PCDHA5: variants seen among roughly 807,000 people sequenced by gnomAD.
PCDHA5 encodes the protein protocadherin alpha-5.
PCDHA5 carries 43 observed loss-of-function variants against 61.6 expected under a neutral mutation model. The ratio of observed to expected loss-of-function variants is 0.70; its 90% CI spans 0.55 to 0.90. The LOEUF is 0.90. Ranked by LOEUF, PCDHA5 falls within the 40% of genes least tolerant of loss-of-function variation. The probability of loss-of-function intolerance (pLI) is 0.00; values close to 1 mark genes in which losing one functional copy is unlikely to be tolerated. For synonymous variants in PCDHA5, 627 were observed against 543.9 expected, an observed-to-expected ratio of 1.15 and a Z score of -2.13; for missense variants, 1,298 against 1,222.7, an observed-to-expected ratio of 1.06 and a Z score of -0.92.
intron 1 of PCDHA5, among the ~76,000 whole-genome samples, chr5:140,918,233 T>C (rs1554198474): frequency 6.6e-6 from 1 of 152,210 alleles, no homozygotes; most frequent in South Asian, 2.1e-4. Context: ...TTTTTGTACA[T>C]TGATTTTGTA....
At chr5:140,985,562 C>G (rs1477250763) in intron 3 of PCDHA5, among the ~76,000 whole-genome samples, 1 of 152,116 alleles carries the variant, frequency 6.6e-6, no homozygotes, top group Non-Finnish European at 1.5e-5. Flanking sequence ...CAAAAGGCTT[C>G]TTTCTGGTGC....
At position 140,821,779 on chromosome 5, in the gene PCDHA5, G is replaced by C; in HGVS notation, c.4G>C (p.Val2Leu). Reference protein sequence around the residue: MVYSRRGSLGSR... With the variant: MLYSRRGSLGSR... ...TCATAATTGGAACGAGATTGAGATG[G>C]TATATTCCCGGAGAGGAAGTCTGGG... The change falls in exon 1 of 4, where the codon GTA becomes CTA. Residue 2 changes from valine to leucine, a missense_variant. Coordinates refer to ENST00000529859, the MANE Select transcript of PCDHA5 (RefSeq NM_018908.3). 2 of 1,609,366 alleles carry C rather than the reference G, an allele frequency of 1.2e-6. No individual in the cohort carries two copies. The highest frequency in any genetic ancestry group is 1.7e-6 in the Non-Finnish European group (2 of 1,177,446).
chr5:140,858,436 G>T (rs781811192), intron 1 of PCDHA5: 1 of 1,542,522 alleles, frequency 6.5e-7, no homozygotes, highest in Admixed American at 2.0e-5. Flanking sequence ...ACTCTAGGAA[G>T]GTGGGTTATT....
At chr5:140,897,803 C>G (rs1285512803) in intron 1 of PCDHA5, among the ~76,000 whole-genome samples, 1 of 152,130 alleles carries the variant, frequency 6.6e-6, no homozygotes, top group Non-Finnish European at 1.5e-5. Context: ...AGAGTCCCAC[C>G]AACAGTGTAA....
chr5:140,886,251 T>A (rs189086759), intron 1 of PCDHA5, among the ~76,000 whole-genome samples: 397 of 152,156 alleles, frequency 2.6e-3, no homozygotes, highest in Non-Finnish European at 4.1e-3. Flanking sequence ...AATAAAAGTA[T>A]CTCTATTTAT....
chr5:140,823,769 T>C lies in PCDHA5; in HGVS notation c.1994T>C (p.Leu665Pro), dbSNP rs2150128956. 6.2e-7 allele frequency: 1 copy of C among 1,613,830 alleles called. No homozygotes were observed. The highest frequency in any genetic ancestry group is 8.5e-7 in the Non-Finnish European group (1 of 1,179,914). ...EPPLTATATV[L>P]VSLVESGQAP... is the part of the protein sequence containing the mutation. ...CCGCTGACAGCCACAGCCACAGTGC[T>C]GGTGTCGCTGGTGGAAAGTGGCCAG... The change falls in exon 1 of 4, where the codon CTG (leucine) becomes CCG (proline). Residue 665 changes from leucine to proline, a missense_variant. Physicochemically the swap from Leu to Pro is moderately conservative, Grantham distance 98. Coordinates refer to ENST00000529859, the MANE Select transcript of PCDHA5 (RefSeq NM_018908.3).
In PCDHA5 at chr5:140,841,681, C is replaced by T. The variant is rs2150320703; in HGVS notation, c.2352+17554C>T. 2.5e-6 allele frequency: 4 copies of T among 1,613,906 alleles called. No individual in the cohort carries two copies. In the South Asian group the frequency reaches 4.4e-5, roughly 18 times the overall value. ...GGCCGCTGCAGGTTTTCCATGTGGA[C>T]GTGGAGGTGAAGGATGTTAATGACA... On this transcript the variant is annotated intron_variant, in intron 1 of 3. Transcript: ENST00000529859.
intron 1 of PCDHA5, among the ~76,000 whole-genome samples, chr5:140,878,476 A>T (rs1037108551): frequency 3.2e-4 from 49 of 152,322 alleles, no homozygotes; most frequent in African/African-American, 1.1e-3. Flanking sequence ...TCATTTCTCA[A>T]TTTAAAAATA....
rs1554262551 is a variant in PCDHA5, at chr5:141,009,910, C to T, written c.2784C>T (p.Asn928=). 1 of 1,612,616 alleles carries T rather than the reference C, an allele frequency of 6.2e-7. No individual in the cohort carries two copies. Among genetic ancestry groups the T allele is most frequent in the Middle Eastern group, 1.7e-4 (1 of 6,048 alleles). Residue 928 remains asparagine (N), a synonymous_variant, in exon 4 of 4, where the codon AAC becomes AAT. Transcript: ENST00000529859. ...NKTQEKKEKG[N]STTDNSDQ Reference sequence around the variant, plus strand: ...CCCAGGAGAAAAAAGAGAAAGGGAACAGCACGACTGACAACAGTGACCAGT... The same window carrying T: ...CCCAGGAGAAAAAAGAGAAAGGGAATAGCACGACTGACAACAGTGACCAGT...
chr5:141,009,720 C>G lies in PCDHA5; in HGVS notation c.2594C>G (p.Ser865Cys), dbSNP rs782119637. ...FKYGPGNPKQ[S>C]GPGELPDKFI... ...TACGGACCAGGCAACCCCAAACAAT[C>G]CGGTCCCGGTGAGTTGCCCGACAAA... The change falls in exon 4 of 4, where the codon TCC (serine) becomes TGC (cysteine). Residue 865 changes from serine to cysteine, a missense_variant. Transcript: ENST00000529859. 1 of 1,614,180 alleles carries G rather than the reference C, an allele frequency of 6.2e-7. No individual in the cohort carries two copies. The highest frequency in any genetic ancestry group is 2.2e-5 in the East Asian group (1 of 44,872).
At chr5:140,848,863 T>G (rs1581167323) in intron 1 of PCDHA5, 1 of 1,589,778 alleles carries the variant, frequency 6.3e-7, no homozygotes, top group African/African-American at 1.4e-5. Context: ...GACGTGGAGG[T>G]GAAGGACATT....
Position 140,927,496 on chromosome 5 carries a change from G to C in PCDHA5, c.2353-51453G>C, listed in dbSNP as rs1206944698. On this transcript the variant is annotated intron_variant, in intron 1 of 3. Transcript: ENST00000529859. ...CGAACAGCGCGCCACCCACCTGCTG[G>C]TGCTTACAGCTCGGGACGGCGGGCT... The C allele has an allele frequency of 3.7e-6, 6 of 1,614,026 alleles. No homozygotes were observed. The highest frequency in any genetic ancestry group is 5.1e-6 in the Non-Finnish European group (6 of 1,180,054).
At position 140,835,793 on chromosome 5, in the gene PCDHA5, G is replaced by A. The variant is rs17844310; in HGVS notation, c.2352+11666G>A. The A allele has an allele frequency of 5.6e-5, 90 of 1,613,102 alleles. 1 individual carries two copies. The East Asian group carries it at 1.8e-3, about 33-fold the overall frequency. On this transcript the variant is annotated intron_variant, in intron 1 of 3. Transcript: ENST00000529859. ...TGTTCGTGAAGGAGAACAACCCGCC[G>A]GGCTGCCACATCTTCACTGTGTCGG... is the stretch of plus-strand genomic sequence containing the variant.
chr5:140,910,171 T>C (rs186096076), intron 1 of PCDHA5, among the ~76,000 whole-genome samples: 22 of 152,340 alleles, frequency 1.4e-4, no homozygotes, highest in Admixed American at 1.2e-3. Flanking sequence ...TGATCCTCTG[T>C]TTTTATAATT....
chr5:140,967,980 A>G (rs1554230169), intron 1 of PCDHA5: 1 of 1,614,198 alleles, frequency 6.2e-7, no homozygotes, highest in African/African-American at 1.3e-5. Context: ...CTGGGTCTGG[A>G]GGCCACACTG....
rs1554149241 is a variant in PCDHA5, at chr5:140,856,873, A to C, written c.2352+32746A>C. The C allele has an allele frequency of 1.9e-6, 3 of 1,595,922 alleles. 1 individual carries two copies. The African/African-American group carries it at 4.0e-5, about 21-fold the overall frequency. On this transcript the variant is annotated intron_variant, in intron 1 of 3. Transcript: ENST00000529859. ...ATTCGGATGAAGGAATAAACAAGGA[A>C]ATGATGTATTCATTTAGCTCTTTGG...
intron 1 of PCDHA5, chr5:140,876,688 T>A (rs1382110439): frequency 2.5e-6 from 4 of 1,614,172 alleles, no homozygotes; most frequent in Non-Finnish European, 3.4e-6. Context: ...GAATTACTAC[T>A]CGTTGGTGCT....
At chr5:140,869,727 T>G in intron 1 of PCDHA5, 1 of 1,613,380 alleles carries the variant, frequency 6.2e-7, no homozygotes, top group Non-Finnish European at 8.5e-7. Flanking sequence ...CTCCGGAACT[T>G]AATTTGCTGC....
intron 1 of PCDHA5, chr5:140,875,795 T>C (rs782073142): frequency 1.2e-6 from 2 of 1,613,786 alleles, no homozygotes. Context: ...CACCTGGAGG[T>C]GATCGTGGAC....
Sources: gnomAD v4.1 joint callset for allele counts (sites outside exome capture counted in the v4.1 genomes callset) on GRCh38, gnomAD v4.1.1 for gene constraint, MANE v1.5 for transcripts, NCBI Gene and HGNC (gene_info 2026-07-23, HGNC 2026-07-21) for gene names.